The following PCDHGA3 variants were observed in gnomAD, a reference collection of about 807,000 sequenced individuals.
The protein encoded by PCDHGA3 is protocadherin gamma subfamily A, 3.
PCDHGA3 carries 40 observed loss-of-function variants against 58.5 expected under a neutral mutation model. The ratio of observed to expected loss-of-function variants is 0.68; its 90% CI spans 0.53 to 0.89. The LOEUF (loss-of-function observed/expected upper bound fraction) is 0.89, where lower values mean the gene tolerates loss of function less well. Among genes scored for constraint, PCDHGA3 ranks in the 40% least tolerant of loss-of-function variants. PCDHGA3 has a pLI of 0.00. For missense variants in PCDHGA3, 1,223 were observed against 1,195.9 expected, an observed-to-expected ratio of 1.02 and a Z score of -0.33; for synonymous variants, 530 against 525.7, an observed-to-expected ratio of 1.01 and a Z score of -0.11.
intron 1 of PCDHGA3, among the ~76,000 whole-genome samples, chr5:141,369,682 A>G (rs979966381): frequency 2.0e-5 from 3 of 152,250 alleles, no homozygotes; most frequent in African/African-American, 7.2e-5. Flanking sequence ...AGTGAAACAT[A>G]GAATAAAACT....
intron 1 of PCDHGA3, among the ~76,000 whole-genome samples, chr5:141,348,950 C>T (rs1330872112): frequency 6.6e-6 from 1 of 152,180 alleles, no homozygotes; most frequent in Non-Finnish European, 1.5e-5. Context: ...CCTGGAACTA[C>T]AGAATAAGTT....
Position 141,433,359 on chromosome 5 carries a change from CTAT to C in PCDHGA3, c.2425-61447_2425-61445del, listed in dbSNP as rs2097588942. 4 of 228,708 alleles carry C rather than the reference CTAT, an allele frequency of 1.7e-5. No homozygotes were observed. In the African/African-American group the frequency reaches 3.4e-4, roughly 19 times the overall value. The allele number at this position is 228,708 out of a possible 1,614,324, so 14.2% of individuals were successfully genotyped here. ...CAGGTGCAAGCCACCTACTGTCTGC[CTAT>C]CTATCTATCTATCTATCTATCTATC... On this transcript the variant is annotated intron_variant, in intron 1 of 3. Coordinates refer to ENST00000253812, the MANE Select transcript of PCDHGA3 (RefSeq NM_018916.4).
chr5:141,490,585 G>C lies in PCDHGA3; in HGVS notation c.2425-4222G>C. On this transcript the variant is annotated intron_variant, in intron 1 of 3. Transcript: ENST00000253812. The surrounding 1 kb of genome is among the most constrained non-coding windows in gnomAD (Gnocchi z 5.4). Reference sequence around the variant, plus strand: ...CAGGCTCAACATTTCAGATGTCAATGACAATGCACCCCGCTTCAACCAGCA... The same window carrying C: ...CAGGCTCAACATTTCAGATGTCAATCACAATGCACCCCGCTTCAACCAGCA... The C allele has an allele frequency of 6.2e-7, 1 of 1,614,142 alleles. No homozygotes were observed. Among genetic ancestry groups the C allele is most frequent in the South Asian group, 1.1e-5 (1 of 91,078 alleles).
intron 1 of PCDHGA3, chr5:141,423,469 C>G: frequency 3.1e-6 from 5 of 1,613,948 alleles, no homozygotes; most frequent in Non-Finnish European, 4.2e-6. Flanking sequence ...GGACGGGGTA[C>G]AGGCTTTCCT....
At chr5:141,399,952 G>A in intron 1 of PCDHGA3, 1 of 1,612,186 alleles carries the variant, frequency 6.2e-7, no homozygotes, top group Non-Finnish European at 8.5e-7. Flanking sequence ...GCAGGCTAGC[G>A]AGCCCGGGCT....
intron 1 of PCDHGA3, among the ~76,000 whole-genome samples, chr5:141,446,536 GC>G (rs1043723006): frequency 2.0e-5 from 3 of 152,012 alleles, no homozygotes; most frequent in African/African-American, 7.2e-5. Context: ...GAGTGCAGTG[GC>G]CCTATCTCTG....
At position 141,476,851 on chromosome 5, in the gene PCDHGA3, C is replaced by T; in HGVS notation, c.2425-17956C>T. ...CGAATGACAATGCGCCTGTCTTCAA[C>T]CAGTCCTTGTACCGGGCGCGCGTCC... On this transcript the variant is annotated intron_variant, in intron 1 of 3. Transcript: ENST00000253812. This position sits in a 1 kb window ranked among gnomAD's most constrained non-coding sequence, Gnocchi z 7.6. The T allele has an allele frequency of 6.2e-7, 1 of 1,613,836 alleles. No individual in the cohort carries two copies. Among genetic ancestry groups the T allele is most frequent in the Non-Finnish European group, 8.5e-7 (1 of 1,180,046 alleles).
At chr5:141,398,633 A>C (rs749131705) in intron 1 of PCDHGA3, 4 of 1,613,946 alleles carry the variant, frequency 2.5e-6, no homozygotes, top group Non-Finnish European at 3.4e-6. Flanking sequence ...TCTCTGCAGA[A>C]GTATAAACTC....
chr5:141,427,052 C>T (rs79280874), intron 1 of PCDHGA3: 9,800 of 457,514 alleles, frequency 0.021, 162 homozygotes, highest in Middle Eastern at 0.051. Flanking sequence ...TGCCCCCAGG[C>T]ACCTCTGTAC....
intron 1 of PCDHGA3, chr5:141,364,929 T>C (rs751043135): frequency 1.9e-6 from 3 of 1,613,810 alleles, no homozygotes; most frequent in African/African-American, 2.7e-5. Context: ...GAACAGCCCC[T>C]AGACCGCGAG....
rs748605515 is a variant in PCDHGA3 at position 141,486,688 on chromosome 5, C to T, written c.2425-8119C>T. ...CCAGGAATCGAGATGTATCAGCTTC[C>T]TCTTTCATCTCTCTGAACCCCCAGA... On this transcript the variant is annotated intron_variant, in intron 1 of 3. Transcript: ENST00000253812. The surrounding 1 kb of genome is among the most constrained non-coding windows in gnomAD (Gnocchi z 5.0). 2 of 1,614,170 alleles carry T rather than the reference C, an allele frequency of 1.2e-6. No individual in the cohort carries two copies. The highest frequency in any genetic ancestry group is 1.1e-5 in the South Asian group (1 of 91,086).
At chr5:141,413,244 C>T in intron 1 of PCDHGA3, 3 of 1,613,984 alleles carry the variant, frequency 1.9e-6, no homozygotes, top group Non-Finnish European at 2.5e-6. Flanking sequence ...TCTGCCTTTT[C>T]TTCGGGATTC....
chr5:141,450,733 C>T (rs886761152), intron 1 of PCDHGA3, among the ~76,000 whole-genome samples: 24 of 152,198 alleles, frequency 1.6e-4, no homozygotes, highest in African/African-American at 5.3e-4. Context: ...GTGATCCGCC[C>T]GCCTTGGCCT....
intron 1 of PCDHGA3, among the ~76,000 whole-genome samples, chr5:141,466,724 A>G (rs2099128017): frequency 6.6e-6 from 1 of 152,148 alleles, no homozygotes. Flanking sequence ...TTTCCATTTT[A>G]GCAGAATTCA....
At position 141,491,291 on chromosome 5, in the gene PCDHGA3, C is replaced by G; in HGVS notation, c.2425-3516C>G. On this transcript the variant is annotated intron_variant, in intron 1 of 3. Coordinates refer to ENST00000253812, the MANE Select transcript of PCDHGA3 (RefSeq NM_018916.4). The surrounding 1 kb of genome is among the most constrained non-coding windows in gnomAD (Gnocchi z 6.9). ...AAATCCAGTGACTTCCTCATACACCCTCCTGAGCGTTCAGACCTTACCCTT... is the reference window on the plus strand; with the variant it reads ...AAATCCAGTGACTTCCTCATACACCGTCCTGAGCGTTCAGACCTTACCCTT... 2 of 1,614,152 alleles carry G rather than the reference C, an allele frequency of 1.2e-6. No homozygotes were observed. The highest frequency in any genetic ancestry group is 1.7e-6 in the Non-Finnish European group (2 of 1,179,974).
chr5:141,430,380 T>TG (rs1376875091), intron 1 of PCDHGA3, among the ~76,000 whole-genome samples: 2 of 147,890 alleles, frequency 1.4e-5, no homozygotes, highest in African/African-American at 5.0e-5. Context: ...AAAAGCTCAT[T>TG]GGGAAAAAAA....
intron 1 of PCDHGA3, among the ~76,000 whole-genome samples, chr5:141,475,625 G>C (rs1172186188): frequency 2.0e-5 from 3 of 152,204 alleles, no homozygotes; most frequent in African/African-American, 7.2e-5. Flanking sequence ...GGTTTGGTTC[G>C]ATCCCCTTTC....
Position 141,477,283 on chromosome 5 carries a change from C to T in PCDHGA3, c.2425-17524C>T, listed in dbSNP as rs766672047. The T allele has an allele frequency of 9.3e-6, 15 of 1,614,076 alleles. No homozygotes were observed. The highest frequency in any genetic ancestry group is 2.7e-5 in the African/African-American group (2 of 74,924). On this transcript the variant is annotated intron_variant, in intron 1 of 3. Coordinates refer to ENST00000253812, the MANE Select transcript of PCDHGA3 (RefSeq NM_018916.4). The surrounding 1 kb of genome is among the most constrained non-coding windows in gnomAD (Gnocchi z 4.9). ...CTGGCGAGAACGGGCTGGTGACCTG[C>T]GAAGTTCCACCGGGTCTCCCTTTCA... is the stretch of plus-strand genomic sequence containing the variant.
At chr5:141,360,983 A>G in intron 1 of PCDHGA3, 2 of 1,613,804 alleles carry the variant, frequency 1.2e-6, no homozygotes, top group Non-Finnish European at 1.7e-6. Flanking sequence ...TCCTTTCATA[A>G]TGTGGACGAA....
Sources: allele counts gnomAD v4.1 joint callset (sites outside exome capture counted in the v4.1 genomes callset), GRCh38; gene constraint gnomAD v4.1.1; non-coding constraint Gnocchi (gnomAD v3.1); transcripts MANE v1.5; gene names NCBI Gene and HGNC (gene_info 2026-07-23, HGNC 2026-07-21).